DIS3L2: variants seen among roughly 807,000 people sequenced by gnomAD.
The protein encoded by DIS3L2 is DIS3 like 3'-5' exoribonuclease 2.
A neutral mutation model predicts 97.5 loss-of-function variants in DIS3L2; 34 were observed. The ratio of observed to expected loss-of-function variants is 0.35; its 90% CI spans 0.27 to 0.46. The LOEUF is 0.46. Ranked by LOEUF, DIS3L2 falls within the 20% of genes least tolerant of loss-of-function variation. DIS3L2 has a pLI of 1.00. For missense variants in DIS3L2, 1,038 were observed against 1,146.0 expected, an observed-to-expected ratio of 0.91 and a Z score of 1.36; for synonymous variants, 435 against 445.2, an observed-to-expected ratio of 0.98 and a Z score of 0.29.
intron 5 of DIS3L2, among the ~76,000 whole-genome samples, chr2:232,065,601 G>A (rs929475874): frequency 5.9e-5 from 8 of 135,326 alleles, no homozygotes; most frequent in African/African-American, 2.9e-4. Flanking sequence ...CTGTAGCTTT[G>A]TAGTAAGCCT....
In DIS3L2 at chr2:232,083,291, C is replaced by G. The variant is rs1167340303; in HGVS notation, c.367-4196C>G. 4.7e-5 allele frequency among the ~76,000 whole-genome samples: 6 copies of G among 127,868 alleles called. No individual in the cohort carries two copies. The East Asian group carries it at 2.3e-3, about 49-fold the overall frequency. The allele number at this position is 127,868 out of a possible 152,430, so 83.9% of individuals were successfully genotyped here. On this transcript the variant is annotated intron_variant, in intron 5 of 20. Coordinates refer to ENST00000325385, the MANE Select transcript of DIS3L2 (RefSeq NM_152383.5). ...TTACAATTTATACCCCCCCCCCCCC[C>G]CCCCACATATACATACATGCAGAGA...
rs1395733956 is a variant in DIS3L2 at position 232,182,279 on chromosome 2, A to G, written c.1124+18647A>G. 2.6e-5 allele frequency among the ~76,000 whole-genome samples: 4 copies of G among 151,964 alleles called. No homozygotes were observed. In the South Asian group the frequency reaches 6.2e-4, roughly 24 times the overall value. ...TGCTATTAATTTCTAATTCCATTCT[A>G]TTTTGGTCAGAGAACATACTTTGCA... is the stretch of plus-strand genomic sequence containing the variant. On this transcript the variant is annotated intron_variant, in intron 9 of 20. Coordinates refer to ENST00000325385, the MANE Select transcript of DIS3L2 (RefSeq NM_152383.5).
At chr2:232,015,974 C>A in intron 3 of DIS3L2, 2 of 216,048 alleles carry the variant, frequency 9.3e-6, no homozygotes, top group Admixed American at 5.2e-5. Context: ...CATGTTTGAG[C>A]CAGGCCATGG....
At chr2:232,032,010 T>C (rs763270671) in intron 5 of DIS3L2, among the ~76,000 whole-genome samples, 1 of 152,244 alleles carries the variant, frequency 6.6e-6, no homozygotes, top group Non-Finnish European at 1.5e-5. Flanking sequence ...TTTATAATCC[T>C]TTGGGTATAT....
chr2:232,004,487 CCTT>C (rs1397173882), intron 1 of DIS3L2, among the ~76,000 whole-genome samples: 1 of 151,808 alleles, frequency 6.6e-6, no homozygotes, highest in African/African-American at 2.4e-5. Flanking sequence ...AGTTTAAACT[CCTT>C]GAGTGTTTAT....
At chr2:232,182,305 T>A (rs887889063) in intron 9 of DIS3L2, among the ~76,000 whole-genome samples, 2 of 152,234 alleles carry the variant, frequency 1.3e-5, no homozygotes, top group African/African-American at 4.8e-5. Context: ...ATACTTTGCA[T>A]GATTTTAGTC....
At chr2:232,126,948 T>C (rs1698077576) in intron 6 of DIS3L2, among the ~76,000 whole-genome samples, 1 of 152,210 alleles carries the variant, frequency 6.6e-6, no homozygotes, top group African/African-American at 2.4e-5. Context: ...AACTTCCTTA[T>C]TTCTCTTTGG....
chr2:232,229,542 T>C (rs926114611), intron 10 of DIS3L2, among the ~76,000 whole-genome samples: 5 of 152,224 alleles, frequency 3.3e-5, no homozygotes, highest in Non-Finnish European at 5.9e-5. Flanking sequence ...AGACGTTGAG[T>C]GCGCCAGCCT....
At chr2:232,219,733 C>CT (rs2106230273) in intron 10 of DIS3L2, among the ~76,000 whole-genome samples, 1 of 152,234 alleles carries the variant, frequency 6.6e-6, no homozygotes, top group South Asian at 2.1e-4. Context: ...CTGCTCTTCC[C>CT]TTTTCATCCC....
At chr2:232,265,698 TGGATAA>T (rs1207275602) in intron 13 of DIS3L2, among the ~76,000 whole-genome samples, 8 of 152,352 alleles carry the variant, frequency 5.3e-5, no homozygotes, top group African/African-American at 1.4e-4. Flanking sequence ...TGGAAAGACC[TGGATAA>T]GGATAAGTCT....
At chr2:232,030,355 A>G (rs1574824333) in intron 5 of DIS3L2, among the ~76,000 whole-genome samples, 1 of 152,288 alleles carries the variant, frequency 6.6e-6, no homozygotes, top group East Asian at 1.9e-4. Context: ...TTTTGAATAA[A>G]TACTGAGGGC....
chr2:232,036,591 G>A (rs1470353751), intron 5 of DIS3L2, among the ~76,000 whole-genome samples: 1 of 152,208 alleles, frequency 6.6e-6, no homozygotes, highest in Non-Finnish European at 1.5e-5. Context: ...CCTTTGGAGA[G>A]AAGAGGCATT....
chr2:232,343,855 C>T, exon 14 of DIS3L2: 1 of 352,576 alleles, frequency 2.8e-6, no homozygotes, highest in South Asian at 4.8e-5. Flanking sequence ...CAGAGCTTCC[C>T]TTTATGGAGC....
At chr2:232,003,155 C>G (rs1693955053) in intron 1 of DIS3L2, among the ~76,000 whole-genome samples, 1 of 152,238 alleles carries the variant, frequency 6.6e-6, no homozygotes, top group East Asian at 1.9e-4. Context: ...TTTCCTGACT[C>G]TGCTCTAATC....
intron 5 of DIS3L2, among the ~76,000 whole-genome samples, chr2:232,065,822 T>C (rs1695838988): frequency 6.6e-6 from 1 of 151,980 alleles, no homozygotes; most frequent in African/African-American, 2.4e-5. Context: ...ATTTAGGTCT[T>C]CTTTAATTTC....
At chr2:232,192,438 T>C (rs1691639760) in intron 9 of DIS3L2, among the ~76,000 whole-genome samples, 1 of 152,166 alleles carries the variant, frequency 6.6e-6, no homozygotes, top group Non-Finnish European at 1.5e-5. Context: ...AAAAAAAAGT[T>C]GATTAAAAAA....
At chr2:232,051,806 C>T (rs1237910002) in intron 5 of DIS3L2, among the ~76,000 whole-genome samples, 6 of 84,942 alleles carry the variant, frequency 7.1e-5, no homozygotes, top group South Asian at 6.1e-4. Flanking sequence ...AGCGAGACTC[C>T]GTCTCAAAAA....
chr2:232,172,414 C>T lies in DIS3L2; in HGVS notation c.1124+8782C>T, dbSNP rs538092593. Among the ~76,000 whole-genome samples the T allele has an allele frequency of 1.4e-4, 22 of 152,284 alleles. No homozygotes were observed. The East Asian group carries it at 1.9e-3, about 13-fold the overall frequency. ...ACAGCAAGTTGCCTTTGGTAGCTGA[C>T]GTGGTTTACTTGACATAATGTTTTC... On this transcript the variant is annotated intron_variant, in intron 9 of 20. Coordinates refer to ENST00000325385, the MANE Select transcript of DIS3L2 (RefSeq NM_152383.5).
intron 14 of DIS3L2, among the ~76,000 whole-genome samples, chr2:232,322,653 T>C (rs1293022768): frequency 6.6e-6 from 1 of 152,148 alleles, no homozygotes; most frequent in Non-Finnish European, 1.5e-5. Flanking sequence ...GAGCACACGT[T>C]CAAACTTGCA....
Sources: gnomAD v4.1 joint callset for allele counts (sites outside exome capture counted in the v4.1 genomes callset) on GRCh38, gnomAD v4.1.1 for gene constraint, MANE v1.5 for transcripts, NCBI Gene and HGNC (gene_info 2026-07-23, HGNC 2026-07-21) for gene names.